Variants in WWOX observed in about 807,000 individuals in gnomAD.
WWOX encodes WW domain-containing oxidoreductase.
Under a neutral mutation model 46.2 loss-of-function variants are expected in WWOX, and 69 were observed. That is an observed-to-expected ratio of 1.49 (90% confidence interval 1.23 to 1.82). WWOX has a LOEUF of 1.82. WWOX is among the 40% of genes most tolerant of loss of function. The pLI, the probability that WWOX is intolerant of heterozygous loss-of-function variation, is 0.00. For missense variants in WWOX, 919 were observed against 542.6 expected (o/e 1.69, Z -6.89); for synonymous variants, 359 against 202.6 (o/e 1.77, Z -6.56).
At position 79,068,817 on chromosome 16, in the gene WWOX, A is replaced by C. The variant is rs1003609770; in HGVS notation, c.1057-142791A>C. ...TAGAGCCAGAACTTGTCTCAAAAAA[A>C]CCCAATAATAATAATAATAATAATA... On this transcript the variant is annotated intron_variant, in intron 8 of 8. Transcript: ENST00000566780. 2.8e-5 allele frequency among the ~76,000 whole-genome samples: 3 copies of C among 107,070 alleles called. 1 individual carries two copies. The South Asian group carries it at 1.0e-3, about 37-fold the overall frequency. The allele number at this position is 107,070 out of a possible 152,430, so 70.2% of individuals were successfully genotyped here.
intron 8 of WWOX, among the ~76,000 whole-genome samples, chr16:78,524,767 A>G (rs540949736): frequency 6.9e-6 from 1 of 145,282 alleles, no homozygotes; most frequent in Non-Finnish European, 1.5e-5. Flanking sequence ...GATAAATAAT[A>G]TTTAATATAT....
chr16:78,794,668 T>G (rs781306352), intron 8 of WWOX, among the ~76,000 whole-genome samples: 1 of 152,252 alleles, frequency 6.6e-6, no homozygotes, highest in African/African-American at 2.4e-5. Flanking sequence ...TTATAGCTGT[T>G]GCTGTCATTC....
chr16:78,993,599 C>T (rs1011691518), intron 8 of WWOX, among the ~76,000 whole-genome samples: 2 of 152,154 alleles, frequency 1.3e-5, no homozygotes, highest in Non-Finnish European at 2.9e-5. Flanking sequence ...GGGGACAGGA[C>T]CTTGCGCTGT....
chr16:78,923,577 G>A (rs2045428948), intron 8 of WWOX, among the ~76,000 whole-genome samples: 1 of 151,938 alleles, frequency 6.6e-6, no homozygotes, highest in Non-Finnish European at 1.5e-5. Flanking sequence ...TTCATAGTGT[G>A]TTAGCAGCTT....
intron 8 of WWOX, among the ~76,000 whole-genome samples, chr16:79,194,073 G>C (rs1260497048): frequency 6.6e-6 from 1 of 152,160 alleles, no homozygotes; most frequent in Admixed American, 6.5e-5. Context: ...TTCTGTGTGT[G>C]TGTGTCTGTG....
intron 8 of WWOX, among the ~76,000 whole-genome samples, chr16:78,548,667 C>A (rs2044105859): frequency 6.6e-6 from 1 of 152,162 alleles, no homozygotes; most frequent in Non-Finnish European, 1.5e-5. Context: ...CCGCCTGCCA[C>A]AGAAGTGATT....
chr16:78,478,431 C>G (rs1478113522), intron 8 of WWOX, among the ~76,000 whole-genome samples: 3 of 152,140 alleles, frequency 2.0e-5, no homozygotes, highest in Non-Finnish European at 4.4e-5. Context: ...CCCCGGGGTT[C>G]CTTTTCAGAC....
chr16:78,379,797 A>C (rs931654830), intron 5 of WWOX, among the ~76,000 whole-genome samples: 3 of 152,152 alleles, frequency 2.0e-5, no homozygotes, highest in African/African-American at 7.2e-5. Flanking sequence ...GTGGTTTTGA[A>C]AACTAGGTTT....
chr16:78,938,665 A>C (rs1279697766), intron 8 of WWOX, among the ~76,000 whole-genome samples: 2 of 152,036 alleles, frequency 1.3e-5, no homozygotes, highest in African/African-American at 4.8e-5. Context: ...CTGTGTACTA[A>C]CTAATGGGGA....
chr16:79,002,754 T>C (rs1214123565), intron 8 of WWOX, among the ~76,000 whole-genome samples: 1 of 152,176 alleles, frequency 6.6e-6, no homozygotes, highest in African/African-American at 2.4e-5. Context: ...ACCCGGGTTC[T>C]CCCTGTCTAT....
At chr16:78,428,250 C>T (rs1030738245) in intron 7 of WWOX, among the ~76,000 whole-genome samples, 2 of 152,196 alleles carry the variant, frequency 1.3e-5, no homozygotes, top group Admixed American at 6.5e-5. Context: ...AGTTTGTCAA[C>T]TTGAAAATAG....
intron 8 of WWOX, among the ~76,000 whole-genome samples, chr16:78,893,912 A>G (rs772891349): frequency 2.4e-4 from 36 of 152,136 alleles, no homozygotes; most frequent in Non-Finnish European, 3.4e-4. Context: ...TTGATATGCA[A>G]TATTTTCCTT....
intron 8 of WWOX, among the ~76,000 whole-genome samples, chr16:78,450,462 G>C (rs773035339): frequency 6.6e-6 from 1 of 152,130 alleles, no homozygotes; most frequent in African/African-American, 2.4e-5. Flanking sequence ...AGTAATCTGA[G>C]CTAGAAAGTT....
intron 8 of WWOX, chr16:79,016,787 C>T (rs1567487699): frequency 6.6e-6 from 1 of 152,214 alleles, no homozygotes; most frequent in African/African-American, 2.4e-5. Context: ...CCCACCCAGT[C>T]CTTCTTAGAA....
chr16:79,184,203 G>A (rs940936129), intron 8 of WWOX, among the ~76,000 whole-genome samples: 1 of 152,170 alleles, frequency 6.6e-6, no homozygotes, highest in Non-Finnish European at 1.5e-5. Flanking sequence ...AATTCATTGA[G>A]TCAGATGCAG....
chr16:78,422,663 G>GTATATATATATGTATATATATA (rs2082960870), intron 6 of WWOX, among the ~76,000 whole-genome samples: 1 of 24,382 alleles, frequency 4.1e-5, no homozygotes, highest in Non-Finnish European at 1.1e-4. Flanking sequence ...TTTTTTACAT[G>GTATATATATATGTATATATATA]TATATATATA....
At chr16:78,946,588 G>A (rs74032446) in intron 8 of WWOX, among the ~76,000 whole-genome samples, 690 of 152,270 alleles carry the variant, frequency 4.5e-3, no homozygotes, top group African/African-American at 0.015. Flanking sequence ...AAACATCAGA[G>A]TTCACCCTGG....
At chr16:78,727,163 C>T (rs1423475313) in intron 8 of WWOX, among the ~76,000 whole-genome samples, 1 of 152,142 alleles carries the variant, frequency 6.6e-6, no homozygotes, top group Non-Finnish European at 1.5e-5. Context: ...CTTTGGGAGG[C>T]CAAGGTGGGC....
At chr16:79,112,563 C>G (rs973996258) in intron 8 of WWOX, among the ~76,000 whole-genome samples, 24 of 152,154 alleles carry the variant, frequency 1.6e-4, no homozygotes, top group Non-Finnish European at 2.6e-4. Flanking sequence ...GAGCAAGACA[C>G]CAGCTTTTCA....
Sources: allele counts gnomAD v4.1 joint callset (sites outside exome capture counted in the v4.1 genomes callset), GRCh38; gene constraint gnomAD v4.1.1; transcripts MANE v1.5; gene names NCBI Gene and HGNC (gene_info 2026-07-23, HGNC 2026-07-21).